The following CTNND2 variants were observed in gnomAD, a reference collection of about 807,000 sequenced individuals.
The protein encoded by CTNND2 is catenin delta-2.
In CTNND2, 22 loss-of-function variants were observed where a neutral mutation model predicts 144.4. The ratio of observed to expected loss-of-function variants is 0.15; its 90% CI spans 0.11 to 0.22. The LOEUF (loss-of-function observed/expected upper bound fraction) is 0.22. Ranked by LOEUF, CTNND2 falls within the 10% of genes least tolerant of loss-of-function variation. The pLI, the probability that CTNND2 is intolerant of heterozygous loss-of-function variation, is 1.00. For synonymous variants in CTNND2, 751 were observed against 695.6 expected, an observed-to-expected ratio of 1.08 and a Z score of -1.25; for missense variants, 1,353 against 1,618.8, an observed-to-expected ratio of 0.84 and a Z score of 2.82.
chr5:11,328,935 A>G (rs1291060078), intron 9 of CTNND2, among the ~76,000 whole-genome samples: 3 of 152,034 alleles, frequency 2.0e-5, no homozygotes, highest in Non-Finnish European at 4.4e-5. Flanking sequence ...ACAGGAATTT[A>G]TTTTCTCCCA....
intron 9 of CTNND2, among the ~76,000 whole-genome samples, chr5:11,313,978 G>A (rs1480421985): frequency 6.6e-6 from 1 of 152,002 alleles, no homozygotes; most frequent in Non-Finnish European, 1.5e-5. Context: ...GAACAGCAAG[G>A]GGGAAATCCA....
At chr5:11,063,687 G>T (rs553108118) in intron 16 of CTNND2, among the ~76,000 whole-genome samples, 15 of 151,838 alleles carry the variant, frequency 9.9e-5, no homozygotes, top group African/African-American at 3.4e-4. Flanking sequence ...AACCACTGTG[G>T]TATCCAGATT....
chr5:11,579,193 G>A (rs867835664), intron 2 of CTNND2, among the ~76,000 whole-genome samples: 13 of 148,932 alleles, frequency 8.7e-5, no homozygotes, highest in Admixed American at 3.4e-4. Context: ...TGCTGGGAAC[G>A]AATTAAGTAC....
intron 1 of CTNND2, among the ~76,000 whole-genome samples, chr5:11,778,344 G>T (rs1230619619): frequency 1.3e-5 from 2 of 152,048 alleles, no homozygotes; most frequent in Non-Finnish European, 2.9e-5. Context: ...GAAGAAGACA[G>T]GTGTGAGAAC....
chr5:11,350,334 C>G (rs1021694271), intron 8 of CTNND2, among the ~76,000 whole-genome samples: 21 of 151,794 alleles, frequency 1.4e-4, no homozygotes, highest in Admixed American at 1.1e-3. Flanking sequence ...CCAAATAAAC[C>G]TAACTTTGTT....
chr5:11,405,741 C>T (rs1427483769), intron 5 of CTNND2, among the ~76,000 whole-genome samples: 1 of 152,114 alleles, frequency 6.6e-6, no homozygotes, highest in Admixed American at 6.5e-5. Flanking sequence ...TTTGCTACTG[C>T]TAACCTCCCA....
At chr5:11,550,792 A>T (rs1223597377) in intron 3 of CTNND2, among the ~76,000 whole-genome samples, 1 of 152,256 alleles carries the variant, frequency 6.6e-6, no homozygotes, top group African/African-American at 2.4e-5. Flanking sequence ...AAAATTTTTT[A>T]AAAATCAAAG....
chr5:11,558,378 G>GTGTGTA (rs1554083682), intron 3 of CTNND2, among the ~76,000 whole-genome samples: 24 of 46,738 alleles, frequency 5.1e-4, no homozygotes, highest in South Asian at 1.8e-3. Flanking sequence ...GTGTGTGTGT[G>GTGTGTA]TGTGACACAC....
At chr5:11,793,424 C>T (rs549290218) in intron 1 of CTNND2, among the ~76,000 whole-genome samples, 6 of 152,284 alleles carry the variant, frequency 3.9e-5, no homozygotes, top group Admixed American at 2.0e-4. Flanking sequence ...CCCCCAATAC[C>T]TCAGAATGTG....
At chr5:11,142,240 T>C (rs551713433) in intron 12 of CTNND2, among the ~76,000 whole-genome samples, 1 of 152,334 alleles carries the variant, frequency 6.6e-6, no homozygotes, top group Admixed American at 6.5e-5. Flanking sequence ...GACTAAATGA[T>C]GCCAATACTA....
At chr5:11,792,946 C>T (rs1296584400) in intron 1 of CTNND2, among the ~76,000 whole-genome samples, 1 of 152,180 alleles carries the variant, frequency 6.6e-6, no homozygotes, top group Admixed American at 6.5e-5. Flanking sequence ...GAAAAAACGT[C>T]CACATTTACA....
chr5:11,556,376 TA>T (rs1459269284), intron 3 of CTNND2, among the ~76,000 whole-genome samples: 1 of 152,180 alleles, frequency 6.6e-6, no homozygotes, highest in Non-Finnish European at 1.5e-5. Flanking sequence ...CTGCAGAAGA[TA>T]ATGAAACTAT....
At chr5:11,200,909 G>A (rs1277756567) in intron 10 of CTNND2, among the ~76,000 whole-genome samples, 1 of 148,224 alleles carries the variant, frequency 6.7e-6, no homozygotes, top group East Asian at 1.9e-4. Flanking sequence ...TCGATCTCCT[G>A]ACCTCGTGAT....
intron 12 of CTNND2, among the ~76,000 whole-genome samples, chr5:11,128,348 C>T (rs1754892163): frequency 6.6e-6 from 1 of 152,102 alleles, no homozygotes; most frequent in Non-Finnish European, 1.5e-5. Flanking sequence ...CAAGGTTCTG[C>T]TAACAACCTG....
At chr5:11,111,454 G>T (rs1411487896) in intron 13 of CTNND2, among the ~76,000 whole-genome samples, 1 of 152,112 alleles carries the variant, frequency 6.6e-6, no homozygotes, top group African/African-American at 2.4e-5. Flanking sequence ...CAGCTCTGGT[G>T]GGGGGCATAT....
intron 2 of CTNND2, among the ~76,000 whole-genome samples, chr5:11,675,359 G>A (rs1374739998): frequency 1.3e-5 from 2 of 152,054 alleles, no homozygotes; most frequent in Non-Finnish European, 2.9e-5. Context: ...CATGGAACCT[G>A]TGTTTGCCTG....
At chr5:11,008,134 A>T (rs561215067) in intron 18 of CTNND2, among the ~76,000 whole-genome samples, 1 of 152,258 alleles carries the variant, frequency 6.6e-6, no homozygotes, top group East Asian at 1.9e-4. Flanking sequence ...TCAGACTTTG[A>T]TCATTACACT....
intron 12 of CTNND2, among the ~76,000 whole-genome samples, chr5:11,158,613 T>C (rs1758455758): frequency 6.6e-6 from 1 of 152,086 alleles, no homozygotes; most frequent in Non-Finnish European, 1.5e-5. Context: ...GCTGAGAGCA[T>C]TGGGATGAAT....
chr5:11,548,513 A>G (rs1775459325), intron 3 of CTNND2, among the ~76,000 whole-genome samples: 1 of 152,222 alleles, frequency 6.6e-6, no homozygotes. Flanking sequence ...AATTCTCTTT[A>G]TAATTAGAGC....
Sources: gnomAD v4.1 joint callset for allele counts (sites outside exome capture counted in the v4.1 genomes callset) on GRCh38, gnomAD v4.1.1 for gene constraint, MANE v1.5 for transcripts, NCBI Gene and HGNC (gene_info 2026-07-23, HGNC 2026-07-21) for gene names.